Variants in CORO2B observed in about 807,000 individuals in gnomAD.
The protein encoded by CORO2B is coronin-2B.
A neutral mutation model predicts 58.8 loss-of-function variants in CORO2B; 26 were observed. That is an observed-to-expected ratio of 0.44 (90% confidence interval 0.32 to 0.61). The LOEUF is 0.61. CORO2B is among the 20% of genes least tolerant of loss of function. CORO2B has a pLI of 0.04. For missense variants in CORO2B, 460 were observed against 645.1 expected (o/e 0.71, Z 3.11); for synonymous variants, 242 against 253.8 (o/e 0.95, Z 0.44).
intron 1 of CORO2B, among the ~76,000 whole-genome samples, chr15:68,589,049 C>T (rs1224912513): frequency 6.6e-6 from 1 of 152,192 alleles, no homozygotes; most frequent in African/African-American, 2.4e-5. Context: ...TCCTGCCTTA[C>T]TCATTAAAAG....
chr15:68,591,926 C>G (rs1336778113), intron 1 of CORO2B, among the ~76,000 whole-genome samples: 1 of 152,222 alleles, frequency 6.6e-6, no homozygotes, highest in Non-Finnish European at 1.5e-5. Flanking sequence ...CCCTGACCCT[C>G]CCTGGCTGTG....
chr15:68,545,740 A>T, the CORO2B span, among the ~76,000 whole-genome samples: 1 of 151,930 alleles, frequency 6.6e-6, no homozygotes, highest in African/African-American at 2.4e-5. Flanking sequence ...TCATAGTCCA[A>T]TGCTGTAGGG....
At chr15:68,605,945 C>A (rs184539699) in intron 1 of CORO2B, among the ~76,000 whole-genome samples, 2 of 151,956 alleles carry the variant, frequency 1.3e-5, no homozygotes, top group Admixed American at 1.3e-4. Flanking sequence ...AGGCAGGTCT[C>A]AAACTCCTGA....
chr15:68,536,201 G>A, the CORO2B span, among the ~76,000 whole-genome samples: 1 of 152,220 alleles, frequency 6.6e-6, no homozygotes, highest in African/African-American at 2.4e-5. Context: ...TAGTCTACAA[G>A]AAGTTCAGTT....
intron 2 of CORO2B, among the ~76,000 whole-genome samples, chr15:68,647,408 G>A (rs762162754): frequency 5.3e-5 from 8 of 152,122 alleles, no homozygotes; most frequent in Non-Finnish European, 1.0e-4. Context: ...AAAAGAACCC[G>A]ACCGGACACG....
At chr15:68,686,020 G>GTTTTTTTTTTTTTT (rs56168498) in intron 2 of CORO2B, among the ~76,000 whole-genome samples, 3 of 103,334 alleles carry the variant, frequency 2.9e-5, no homozygotes, top group Non-Finnish European at 5.9e-5. Flanking sequence ...TCCTACTTCT[G>GTTTTTTTTTTTTTT]TTTTTTTTTT....
In CORO2B at chr15:68,691,327, C is replaced by CAAAAAAA. The variant is rs1192260415; in HGVS notation, c.217-3803_217-3797dup. Among the ~76,000 whole-genome samples the CAAAAAAA allele has an allele frequency of 4.9e-3, 47 of 9,538 alleles. 3 individuals are homozygous for CAAAAAAA. Among genetic ancestry groups the CAAAAAAA allele is most frequent in the Non-Finnish European group, 0.01 (32 of 3,138 alleles). The allele number at this position is 9,538 out of a possible 152,430, so 6.3% of individuals were successfully genotyped here. A position where few individuals can be genotyped will look rare whatever the true frequency, so the allele number is the denominator to read the frequency against. On this transcript the variant is annotated intron_variant, in intron 2 of 11. Coordinates refer to ENST00000261861, the MANE Select transcript of CORO2B (RefSeq NM_006091.5). ...CCTGGGAGACAGCGAGACTCCGTCTCAAAAAAAAAAAAAAAAGGCCGGGCG... is the reference window on the plus strand; with the variant it reads ...CCTGGGAGACAGCGAGACTCCGTCTCAAAAAAAAAAAAAAAAAAAAAAAGGCCGGGCG...
chr15:68,617,525 GTGTA>G (rs1398992568), intron 1 of CORO2B, among the ~76,000 whole-genome samples: 2 of 152,202 alleles, frequency 1.3e-5, no homozygotes, highest in African/African-American at 4.8e-5. Flanking sequence ...GTGTGCGTGT[GTGTA>G]TGTGTGTGTC....
intron 1 of CORO2B, among the ~76,000 whole-genome samples, chr15:68,587,551 C>T (rs1211846761): frequency 6.6e-6 from 1 of 152,136 alleles, no homozygotes; most frequent in Non-Finnish European, 1.5e-5. Context: ...TTAAGAAATA[C>T]CAATTTAATA....
rs1567014953 is a variant in CORO2B at position 68,704,044 on chromosome 15, ACAC to A, written c.334-6687_334-6685del. 6.0e-3 allele frequency among the ~76,000 whole-genome samples: 323 copies of A among 54,000 alleles called. 1 individual carries two copies. Among genetic ancestry groups the A allele is most frequent in the South Asian group, 9.0e-3 (10 of 1,108 alleles). 35.4% of individuals were successfully genotyped at this position (54,000 alleles called of 152,430 possible). A position where few individuals can be genotyped will look rare whatever the true frequency, so the allele number is the denominator to read the frequency against. On this transcript the variant is annotated intron_variant, in intron 3 of 11. Transcript: ENST00000261861. ...ACCCTTTCTCTACACACACATACAC[ACAC>A]ACACACACACACACACACACACACA...
chr15:68,701,525 G>A (rs1225272912), intron 3 of CORO2B, among the ~76,000 whole-genome samples: 1 of 115,466 alleles, frequency 8.7e-6, no homozygotes, highest in African/African-American at 3.4e-5. Context: ...TCGCTCTGTC[G>A]CCCAGGCTGG....
At chr15:68,678,218 G>A (rs1596008012) in intron 2 of CORO2B, among the ~76,000 whole-genome samples, 1 of 152,216 alleles carries the variant, frequency 6.6e-6, no homozygotes, top group East Asian at 1.9e-4. Flanking sequence ...AGCAGACCCA[G>A]GTCCTGTTGT....
At chr15:68,704,929 C>T (rs1350363296) in intron 3 of CORO2B, among the ~76,000 whole-genome samples, 1 of 152,154 alleles carries the variant, frequency 6.6e-6, no homozygotes, top group Non-Finnish European at 1.5e-5. Flanking sequence ...CCAGAGCAAC[C>T]TCTGAGCAGA....
At chr15:68,534,322 A>T in the CORO2B span, among the ~76,000 whole-genome samples, 1 of 150,606 alleles carries the variant, frequency 6.6e-6, no homozygotes, top group African/African-American at 2.5e-5. Context: ...ACACTTGCAT[A>T]CACACATGCA....
the CORO2B span, among the ~76,000 whole-genome samples, chr15:68,559,898 G>A: frequency 3.3e-5 from 5 of 152,372 alleles, no homozygotes; most frequent in South Asian, 1.0e-3. This position sits in a 1 kb window ranked among gnomAD's most constrained non-coding sequence, Gnocchi z 4.3. Context: ...TGCCGGTTGG[G>A]GTCCTCTGGT....
intron 1 of CORO2B, among the ~76,000 whole-genome samples, chr15:68,623,158 C>T (rs1900573534): frequency 6.6e-6 from 1 of 152,066 alleles, no homozygotes; most frequent in African/African-American, 2.4e-5. Flanking sequence ...AAGTGAGACT[C>T]TGTCTCAATT....
chr15:68,701,965 G>A (rs1018835651), intron 3 of CORO2B, among the ~76,000 whole-genome samples: 3 of 152,086 alleles, frequency 2.0e-5, no homozygotes, highest in Non-Finnish European at 4.4e-5. Flanking sequence ...TGCCCAGGCC[G>A]GGCACGGTAG....
chr15:68,645,423 TC>T lies in CORO2B; in HGVS notation c.216+64del. 6.6e-7 allele frequency: 1 copy of T among 1,525,244 alleles called. No individual in the cohort carries two copies. Among genetic ancestry groups the T allele is most frequent in the Non-Finnish European group, 9.0e-7 (1 of 1,116,594 alleles). 94.5% of individuals were successfully genotyped at this position (1,525,244 alleles called of 1,614,324 possible). A position where few individuals can be genotyped will look rare whatever the true frequency, so the allele number is the denominator to read the frequency against. ...GGGCAGAGAGGAGCCCTCCTTGGTCTCTCTTAGGCCTGTTGACCCTACTTCT... is the reference window on the plus strand; with the variant it reads ...GGGCAGAGAGGAGCCCTCCTTGGTCTTCTTAGGCCTGTTGACCCTACTTCT... On this transcript the variant is annotated intron_variant, in intron 2 of 11. Coordinates refer to ENST00000261861, the MANE Select transcript of CORO2B (RefSeq NM_006091.5). This position sits in a 1 kb window ranked among gnomAD's most constrained non-coding sequence, Gnocchi z 4.5.
chr15:68,544,515 AGAGGATG>A, the CORO2B span, among the ~76,000 whole-genome samples: 1 of 152,232 alleles, frequency 6.6e-6, no homozygotes, highest in Non-Finnish European at 1.5e-5. Flanking sequence ...TGGAGGATGC[AGAGGATG>A]GCCCCCTGCA....
Sources: allele counts gnomAD v4.1 joint callset (sites outside exome capture counted in the v4.1 genomes callset), GRCh38; gene constraint gnomAD v4.1.1; non-coding constraint Gnocchi (gnomAD v3.1); transcripts MANE v1.5; gene names NCBI Gene and HGNC (gene_info 2026-07-23, HGNC 2026-07-21).